Variants in MUC22 observed in about 807,000 individuals in gnomAD.
MUC22 encodes mucin 22, also known as mucin-22.
Under a neutral mutation model 40.3 loss-of-function variants are expected in MUC22, and 24 were observed. That is an observed-to-expected ratio of 0.60 (90% confidence interval 0.43 to 0.84). MUC22 has a LOEUF of 0.84. Ranked by LOEUF, MUC22 falls within the 40% of genes least tolerant of loss-of-function variation. MUC22 has a pLI of 0.00. For missense variants in MUC22, 1,926 were observed against 2,130.7 expected (o/e 0.90, Z 1.89); for synonymous variants, 765 against 844.5 (o/e 0.91, Z 1.63).
exon 2 of MUC22, chr6:31,029,575 A>G (rs11756039): frequency 0.13 from 194,270 of 1,517,856 alleles, 13,354 homozygotes; most frequent in Admixed American, 0.17. Flanking sequence ...TTCTACCACT[A>G]GCTCTGAGAC....
At chr6:31,006,721 A>G (rs1465730288), upstream of MUC22, among the ~76,000 whole-genome samples, 1 of 152,188 alleles carries the variant, frequency 6.6e-6, no homozygotes, top group Non-Finnish European at 1.5e-5. Flanking sequence ...TGTTACTGGT[A>G]TTTAATATGA....
exon 2 of MUC22, chr6:31,025,608 A>T (rs577384400): frequency 3.3e-5 from 50 of 1,523,510 alleles, no homozygotes; most frequent in Non-Finnish European, 4.3e-5. Flanking sequence ...CTTCGGCCTT[A>T]ACTACAGGCT....
At chr6:31,021,438 T>C (rs1355416403) in intron 1 of MUC22, among the ~76,000 whole-genome samples, 1 of 151,350 alleles carries the variant, frequency 6.6e-6, no homozygotes, top group Non-Finnish European at 1.5e-5. Context: ...GGTTTGTGAG[T>C]GCACCAATCA....
chr6:31,032,160 C>T lies in MUC22; in HGVS notation c.4670-36C>T. 6.6e-7 allele frequency: 1 copy of T among 1,506,868 alleles called. No individual in the cohort carries two copies. The highest frequency in any genetic ancestry group is 8.8e-7 in the Non-Finnish European group (1 of 1,132,794). The allele number at this position is 1,506,868 out of a possible 1,614,324, so 93.3% of individuals were successfully genotyped here. A position where few individuals can be genotyped will look rare whatever the true frequency, so the allele number is the denominator to read the frequency against. ...CCCCATTCCCCTTTAATCATCTCTG[C>T]TACAAATGCATCATCTTGTGTGACC... On this transcript the variant is annotated intron_variant, in intron 2 of 3. Transcript: ENST00000561890. This position sits in a 1 kb window ranked among gnomAD's most constrained non-coding sequence, Gnocchi z 4.1.
exon 2 of MUC22, chr6:31,027,740 C>A: frequency 6.5e-7 from 1 of 1,530,256 alleles, no homozygotes; most frequent in Non-Finnish European, 8.7e-7. Context: ...GCAGTCTCTG[C>A]CACAGGCTCT....
upstream of MUC22, among the ~76,000 whole-genome samples, chr6:31,006,713 T>G (rs1763543960): frequency 6.6e-6 from 1 of 152,190 alleles, no homozygotes; most frequent in Non-Finnish European, 1.5e-5. Flanking sequence ...AATATTTATG[T>G]TACTGGTATT....
intron 1 of MUC22, among the ~76,000 whole-genome samples, chr6:31,017,032 C>T (rs915557565): frequency 6.6e-6 from 1 of 152,238 alleles, no homozygotes; most frequent in Admixed American, 6.5e-5. Context: ...AGCTGCCTCC[C>T]TGAGGGGCAC....
Position 31,025,949 on chromosome 6 carries a change from C to A in MUC22, c.518C>A (p.Ser173Tyr), listed in dbSNP as rs1452050102. 2.0e-6 allele frequency: 3 copies of A among 1,535,074 alleles called. No homozygotes were observed. The African/African-American group carries it at 4.1e-5, about 21-fold the overall frequency. ...AAAACGATGGCCTCCTCCATAATTT[C>A]TGAGACCACCATGGCCTCCACCACA... The change falls in exon 2 of 4, where the codon TCT becomes TAT. Residue 173 changes from serine (S) to tyrosine (Y), a missense_variant. Physicochemically the swap from Ser to Tyr is moderately radical, Grantham distance 144. Around this residue, in one of 3 missense-constraint regions of MUC22, gnomAD observed 1,281 missense variants for 1,337.8 expected, o/e 0.96. Coordinates refer to ENST00000561890, the Ensembl canonical transcript of MUC22.
chr6:31,032,652 T>A lies in MUC22; in HGVS notation c.5055+71T>A. Reference sequence around the variant, plus strand: ...GGGGGGAATCATGTCAGCAGTGCTTTGGAAAAATCCAGAATGAGAAAGGGG... The same window carrying A: ...GGGGGGAATCATGTCAGCAGTGCTTAGGAAAAATCCAGAATGAGAAAGGGG... On this transcript the variant is annotated intron_variant, in intron 3 of 3. Transcript: ENST00000561890. This position sits in a 1 kb window ranked among gnomAD's most constrained non-coding sequence, Gnocchi z 4.1. 6.9e-7 allele frequency: 1 copy of A among 1,450,160 alleles called. No individual in the cohort carries two copies. The highest frequency in any genetic ancestry group is 9.1e-7 in the Non-Finnish European group (1 of 1,097,822). 89.8% of individuals were successfully genotyped at this position (1,450,160 alleles called of 1,614,324 possible). A position where few individuals can be genotyped will look rare whatever the true frequency, so the allele number is the denominator to read the frequency against.
In MUC22 at chr6:31,034,665, CT is replaced by C. The variant is rs1185477786; in HGVS notation, c.5056-3del. 1 of 1,524,480 alleles carries C rather than the reference CT, an allele frequency of 6.6e-7. No homozygotes were observed. 94.4% of individuals were successfully genotyped at this position (1,524,480 alleles called of 1,614,324 possible). A position where few individuals can be genotyped will look rare whatever the true frequency, so the allele number is the denominator to read the frequency against. On this transcript the variant is annotated splice_region_variant and splice_polypyrimidine_tract_variant and intron_variant, in intron 3 of 3. Coordinates refer to ENST00000561890, the Ensembl canonical transcript of MUC22. ...CATTTATCAATGTATTTATTTTTTTCTTTTAGAGAAACCTTTTCTTCCCCCT... is the reference window on the plus strand; with the variant it reads ...CATTTATCAATGTATTTATTTTTTTCTTTAGAGAAACCTTTTCTTCCCCCT...
In MUC22 at chr6:31,013,129, CT is replaced by C. The variant is rs28381569; in HGVS notation, c.70+2367del. Among the ~76,000 whole-genome samples the C allele has an allele frequency of 5.8e-3, 700 of 121,280 alleles. 16 individuals carry two copies. Among genetic ancestry groups the C allele is most frequent in the Admixed American group, 0.03 (370 of 12,376 alleles). The allele number at this position is 121,280 out of a possible 152,430, so 79.6% of individuals were successfully genotyped here. On this transcript the variant is annotated intron_variant, in intron 1 of 3. Coordinates refer to ENST00000561890, the Ensembl canonical transcript of MUC22. ...CTCCACTCTCCTCCTCACCCCCATTCTTTTTTTTTTTTTTGGAGATGGAGTG... is the reference window on the plus strand; with the variant it reads ...CTCCACTCTCCTCCTCACCCCCATTCTTTTTTTTTTTTTGGAGATGGAGTG...
intron 3 of MUC22, among the ~76,000 whole-genome samples, chr6:31,033,916 G>A (rs762704988): frequency 3.9e-5 from 6 of 152,284 alleles, no homozygotes; most frequent in South Asian, 4.1e-4. Flanking sequence ...GCCTCTCTCC[G>A]TATGTGGACT....
chr6:31,021,711 C>G (rs1764762123), intron 1 of MUC22, among the ~76,000 whole-genome samples: 1 of 152,082 alleles, frequency 6.6e-6, no homozygotes, highest in Non-Finnish European at 1.5e-5. Context: ...TTGTATGTAG[C>G]TCAGGGATTG....
At chr6:31,016,417 C>T (rs1764204365) in intron 1 of MUC22, among the ~76,000 whole-genome samples, 1 of 152,046 alleles carries the variant, frequency 6.6e-6, no homozygotes. Flanking sequence ...AGAGACGTGG[C>T]AGTTTAGATT....
At chr6:31,025,520 C>A in exon 2 of MUC22, 1 of 1,506,930 alleles carries the variant, frequency 6.6e-7, no homozygotes, top group Non-Finnish European at 8.8e-7. Context: ...AATACCACAG[C>A]CTTCACAAAA....
chr6:31,023,127 AAAAAC>A (rs934254190), intron 1 of MUC22, among the ~76,000 whole-genome samples: 6 of 151,474 alleles, frequency 4.0e-5, no homozygotes, highest in East Asian at 1.9e-4. Flanking sequence ...AAGACGCTCA[AAAAAC>A]AAAACAAAAC....
chr6:31,029,867 C>G, exon 2 of MUC22: 1 of 1,477,728 alleles, frequency 6.8e-7, no homozygotes, highest in Middle Eastern at 1.7e-4. Flanking sequence ...TCCACACCCT[C>G]CAGTGCAGGC....
At chr6:31,033,846 G>A (rs1323377653) in intron 3 of MUC22, among the ~76,000 whole-genome samples, 1 of 152,194 alleles carries the variant, frequency 6.6e-6, no homozygotes, top group Non-Finnish European at 1.5e-5. Flanking sequence ...AAATACGGAA[G>A]TCACAAAAGA....
intron 1 of MUC22, among the ~76,000 whole-genome samples, chr6:31,018,602 ATTC>A (rs952500211): frequency 4.6e-5 from 7 of 152,184 alleles, no homozygotes; most frequent in African/African-American, 1.7e-4. Context: ...TCTACTTTTT[ATTC>A]TTCTATGAAA....
Sources: allele counts gnomAD v4.1 joint callset (sites outside exome capture counted in the v4.1 genomes callset), GRCh38; gene constraint gnomAD v4.1.1; regional missense constraint gnomAD v4.1.1; non-coding constraint Gnocchi (gnomAD v3.1); transcripts MANE v1.5; gene names NCBI Gene and HGNC (gene_info 2026-07-23, HGNC 2026-07-21).